FBN1: variants seen among roughly 807,000 people sequenced by gnomAD.
FBN1 encodes fibrillin 1.
In FBN1, 29 loss-of-function variants were observed where a neutral mutation model predicts 365.1. The observed-to-expected ratio is 0.08, with a 90% confidence interval of 0.06 to 0.11. The LOEUF (loss-of-function observed/expected upper bound fraction) is 0.11. Among genes scored for constraint, FBN1 ranks in the 10% least tolerant of loss-of-function variants. The pLI is 1.00. For missense variants in FBN1, 2,476 were observed against 3,703.2 expected (o/e 0.67, Z 8.60); for synonymous variants, 1,210 against 1,270.5 (o/e 0.95, Z 1.01).
At chr15:48,464,284 G>T (rs1281784970) in intron 40 of FBN1, among the ~76,000 whole-genome samples, 1 of 152,190 alleles carries the variant, frequency 6.6e-6, no homozygotes. Context: ...GCCAAGGTGG[G>T]TGGATCACTT....
rs193922192 is a variant in FBN1 at position 48,495,142 on chromosome 15, C to A, written c.2658G>T (p.Pro886=). The A allele has an allele frequency of 6.2e-7, 1 of 1,613,986 alleles. No individual in the cohort carries two copies. The part of the protein sequence containing the change: ...CSSLGAAWGS[P]CTLCQVDPIC... ...TCTTACCAACTTGGCATAGGGTGCACGGGCTTCCCCACGCAGCACCGAGGG... is the reference window on the plus strand; with the variant it reads ...TCTTACCAACTTGGCATAGGGTGCAAGGGCTTCCCCACGCAGCACCGAGGG... Residue 886 remains proline, a synonymous_variant, in exon 22 of 66, where the codon CCG becomes CCT. Transcript: ENST00000316623.
At chr15:48,562,267 A>G (rs1233141436) in intron 6 of FBN1, among the ~76,000 whole-genome samples, 1 of 152,186 alleles carries the variant, frequency 6.6e-6, no homozygotes, top group African/African-American at 2.4e-5. Context: ...CATCTTCAGT[A>G]ATTTTGGCAG....
chr15:48,557,458 T>C (rs946754315), intron 6 of FBN1, among the ~76,000 whole-genome samples: 1 of 152,006 alleles, frequency 6.6e-6, no homozygotes, highest in Non-Finnish European at 1.5e-5. Context: ...GGCAGCAGAG[T>C]CCTTTTTCAC....
rs368468320 is a variant in FBN1, at chr15:48,456,752, C to T, written c.5307G>A (p.Glu1769=). Residue 1769 remains glutamate (E), a synonymous_variant, in exon 44 of 66, where the codon GAG becomes GAA. Transcript: ENST00000316623. The part of the protein sequence containing the change: ...IYTGLPVDID[E]CREIPGVCEN... ...CACAGACCCCTGGGATCTCCCGGCACTCATCAATATCTAGAGACAGAGTAG... is the reference window on the plus strand; with the variant it reads ...CACAGACCCCTGGGATCTCCCGGCATTCATCAATATCTAGAGACAGAGTAG... 4.3e-6 allele frequency: 7 copies of T among 1,613,368 alleles called. No homozygotes were observed. In the African/African-American group the frequency reaches 5.3e-5, roughly 12 times the overall value.
At chr15:48,602,055 G>A (rs140664258) in intron 4 of FBN1, among the ~76,000 whole-genome samples, 3 of 152,046 alleles carry the variant, frequency 2.0e-5, no homozygotes, top group African/African-American at 4.8e-5. Context: ...CAAAACACCC[G>A]GCACTTTCCT....
chr15:48,491,126 A>G (rs1474923177), intron 24 of FBN1, among the ~76,000 whole-genome samples: 2 of 152,226 alleles, frequency 1.3e-5, no homozygotes, highest in African/African-American at 4.8e-5. Context: ...CTAGAAGAAG[A>G]TTCTCATTAA....
chr15:48,508,547 G>C lies in FBN1; in HGVS notation c.1837+35C>G, dbSNP rs747253836. On this transcript the variant is annotated intron_variant, in intron 15 of 65. Coordinates refer to ENST00000316623, the MANE Select transcript of FBN1 (RefSeq NM_000138.5). ...ACAACATAAGGAGGAGAAAAGGCAC[G>C]TGAAGAACATGATCTAGGGTTTTAT... The C allele has an allele frequency of 4.5e-5, 72 of 1,613,042 alleles. No homozygotes were observed. The East Asian group carries it at 1.5e-3, about 34-fold the overall frequency.
chr15:48,516,867 G>A (rs1049580578), intron 10 of FBN1, among the ~76,000 whole-genome samples: 4 of 152,178 alleles, frequency 2.6e-5, no homozygotes, highest in African/African-American at 4.8e-5. Context: ...AGACCAAGGG[G>A]GAGATGATGA....
chr15:48,462,712 C>T (rs749649244), intron 42 of FBN1, among the ~76,000 whole-genome samples: 2 of 152,152 alleles, frequency 1.3e-5, no homozygotes, highest in Non-Finnish European at 2.9e-5. Context: ...ACAAGTTTAG[C>T]TTTAAATAAG....
At chr15:48,434,827 T>TCAAAACAACAA in intron 53 of FBN1, 114 bp from the exon 54 acceptor site, 1 of 1,308,558 alleles carries the variant, frequency 7.6e-7, no homozygotes, top group Non-Finnish European at 1.1e-6. Flanking sequence ...AGACAGAGTC[T>TCAAAACAACAA]CACTTTGACA....
chr15:48,590,464 G>A (rs2044468639), intron 6 of FBN1, among the ~76,000 whole-genome samples: 1 of 152,160 alleles, frequency 6.6e-6, no homozygotes, highest in African/African-American at 2.4e-5. Flanking sequence ...ACTGCTTAAT[G>A]TAGTATTTTT....
chr15:48,630,008 G>T (rs191130278), intron 2 of FBN1, among the ~76,000 whole-genome samples: 2 of 152,276 alleles, frequency 1.3e-5, no homozygotes, highest in East Asian at 3.9e-4. Flanking sequence ...ACTAACCAAA[G>T]TGTTCCTACT....
intron 10 of FBN1, 47 bp from the exon 11 acceptor site, chr15:48,516,409 A>G: frequency 6.4e-7 from 1 of 1,571,558 alleles, no homozygotes; most frequent in Non-Finnish European, 8.8e-7. Context: ...GCTGTAGCTT[A>G]TGATCATAGG....
At chr15:48,481,808 T>C (rs766307949) in intron 31 of FBN1, 28 bp from the exon 32 acceptor site, 12 of 1,598,462 alleles carry the variant, frequency 7.5e-6, no homozygotes, top group Middle Eastern at 1.7e-4. Context: ...TATTAATATA[T>C]GTAGCTATTT....
intron 57 of FBN1, chr15:48,428,135 T>C (rs529939234): frequency 1.5e-6 from 1 of 678,948 alleles, no homozygotes; most frequent in Admixed American, 2.5e-5. Flanking sequence ...AACAAGTGAT[T>C]CAGGATCCAA....
In FBN1 at chr15:48,421,575, G is replaced by A; in HGVS notation, c.7682C>T (p.Thr2561Ile). Residue 2561 changes from threonine to isoleucine, a missense_variant, in exon 62 of 66, where the codon ACC (threonine) becomes ATC (isoleucine). Coordinates refer to ENST00000316623, the MANE Select transcript of FBN1 (RefSeq NM_000138.5). ...CCACCCACCTTCACAGCTGGAGCCG[G>A]TCTGATCAAGTGAGAATCCCCGCTG... ...ECQRGFSLDQ[T>I]GSSCEDVDEC... 6.2e-7 allele frequency: 1 copy of A among 1,613,222 alleles called. No individual in the cohort carries two copies. The highest frequency in any genetic ancestry group is 8.5e-7 in the Non-Finnish European group (1 of 1,179,844).
intron 56 of FBN1, 120 bp downstream of exon 56, chr15:48,430,551 G>T: frequency 1.8e-6 from 2 of 1,111,130 alleles, no homozygotes; most frequent in South Asian, 1.3e-5. Context: ...CCTGACATGC[G>T]GTTAAGAGAA....
chr15:48,566,631 G>T (rs2140664432), intron 6 of FBN1, among the ~76,000 whole-genome samples: 1 of 152,264 alleles, frequency 6.6e-6, no homozygotes. Context: ...TATACAAAAA[G>T]AAAATGCAAA....
chr15:48,599,766 T>G (rs2044547635), intron 5 of FBN1, among the ~76,000 whole-genome samples: 1 of 152,140 alleles, frequency 6.6e-6, no homozygotes, highest in African/African-American at 2.4e-5. Context: ...AGTTTTGAAA[T>G]ACTTTATTTG....
Sources: allele counts gnomAD v4.1 joint callset (sites outside exome capture counted in the v4.1 genomes callset), GRCh38; gene constraint gnomAD v4.1.1; transcripts MANE v1.5; gene names NCBI Gene and HGNC (gene_info 2026-07-23, HGNC 2026-07-21).